PTGR1: variants seen among roughly 807,000 people sequenced by gnomAD.
PTGR1 encodes prostaglandin reductase 1, also known as 15-oxoprostaglandin 13-reductase.
In PTGR1, 23 loss-of-function variants were observed where a neutral mutation model predicts 37.7. That is an observed-to-expected ratio of 0.61 (90% CI 0.44 to 0.86). The LOEUF is 0.86. Among genes scored for constraint, PTGR1 ranks in the 40% least tolerant of loss-of-function variants. The pLI, the probability that PTGR1 is intolerant of heterozygous loss-of-function variation, is 0.00. For missense variants in PTGR1, 351 were observed against 394.3 expected, an observed-to-expected ratio of 0.89 and a Z score of 0.93; for synonymous variants, 134 against 140.0, an observed-to-expected ratio of 0.96 and a Z score of 0.30.
intron 2 of PTGR1, among the ~76,000 whole-genome samples, chr9:111,594,577 G>A: frequency 6.8e-6 from 1 of 146,146 alleles, no homozygotes; most frequent in Non-Finnish European, 1.5e-5. Context: ...TTGAGAGGGA[G>A]TCTCGCTCTG....
At chr9:111,569,403 A>G (rs373014590) in intron 9 of PTGR1, among the ~76,000 whole-genome samples, 4 of 152,236 alleles carry the variant, frequency 2.6e-5, no homozygotes, top group South Asian at 4.1e-4. Context: ...AATGATCACT[A>G]TGAAATATTT....
At position 111,591,228 on chromosome 9, in the gene PTGR1, T is replaced by C. The variant is rs111287797; in HGVS notation, c.209+1698A>G. On this transcript the variant is annotated intron_variant, in intron 4 of 9. Coordinates refer to ENST00000407693, the MANE Select transcript of PTGR1 (RefSeq NM_001146108.2). Reference sequence around the variant, plus strand: ...ATCAGAATCACTTGAACCTGGGAGGTAGAGGTTGCGGTGAGCCAAGATTAC... The same window carrying C: ...ATCAGAATCACTTGAACCTGGGAGGCAGAGGTTGCGGTGAGCCAAGATTAC... 5.9e-4 allele frequency among the ~76,000 whole-genome samples: 89 copies of C among 150,798 alleles called. 1 individual carries two copies. The highest frequency in any genetic ancestry group is 2.0e-3 in the African/African-American group (84 of 41,024).
At chr9:111,578,501 C>T (rs192286768) in intron 7 of PTGR1, among the ~76,000 whole-genome samples, 91 of 152,264 alleles carry the variant, frequency 6.0e-4, no homozygotes, top group African/African-American at 2.0e-3. Flanking sequence ...CCATAAGGAA[C>T]GCACAACCTA....
chr9:111,594,372 G>T, intron 2 of PTGR1, 105 bp from the exon 3 acceptor site: 1 of 1,006,840 alleles, frequency 9.9e-7, no homozygotes, highest in Non-Finnish European at 1.6e-6. Context: ...GACAAGGGTT[G>T]AGAAACCACC....
In PTGR1 at chr9:111,571,254, A is replaced by G. The variant is rs534454318; in HGVS notation, c.761-1045T>C. Among the ~76,000 whole-genome samples, 13 of 149,364 alleles carry G rather than the reference A, an allele frequency of 8.7e-5. 3 individuals carry two copies. The East Asian group carries it at 2.6e-3, about 30-fold the overall frequency. On this transcript the variant is annotated intron_variant, in intron 8 of 9. Transcript: ENST00000407693. ...TGGTGAAACCCTGTCTCTACTAAAA[A>G]TACAAAAATTAGCTGGGCATGGTGG...
intron 4 of PTGR1, among the ~76,000 whole-genome samples, chr9:111,589,091 C>T (rs894084099): frequency 4.6e-5 from 7 of 152,186 alleles, no homozygotes; most frequent in African/African-American, 1.4e-4. Flanking sequence ...CTTCCACCAT[C>T]AATGTATGAG....
intron 9 of PTGR1, among the ~76,000 whole-genome samples, chr9:111,556,832 G>GC (rs112010927): frequency 6.6e-6 from 1 of 152,122 alleles, no homozygotes; most frequent in African/African-American, 2.4e-5. Context: ...GTTTCCTGAG[G>GC]CCCCCCAGCC....
intron 4 of PTGR1, among the ~76,000 whole-genome samples, chr9:111,590,963 T>TAGAA (rs10658541): frequency 0.68 from 102,716 of 151,604 alleles, 36,008 homozygotes; most frequent in African/African-American, 0.87. Flanking sequence ...TAATAATTGA[T>TAGAA]AGCAGTTTTC....
chr9:111,597,670 T>C (rs1829823891), intron 1 of PTGR1, among the ~76,000 whole-genome samples: 1 of 152,222 alleles, frequency 6.6e-6, no homozygotes, highest in African/African-American at 2.4e-5. Context: ...ATTAGTATCA[T>C]TGCCAGTGTA....
chr9:111,571,795 C>A (rs142013675), intron 8 of PTGR1, among the ~76,000 whole-genome samples: 25 of 152,110 alleles, frequency 1.6e-4, no homozygotes, highest in Non-Finnish European at 3.4e-4. Flanking sequence ...TAAGCCACTG[C>A]GCCTGGCTAA....
chr9:111,571,769 A>G (rs938969843), intron 8 of PTGR1, among the ~76,000 whole-genome samples: 1 of 152,050 alleles, frequency 6.6e-6, no homozygotes, highest in African/African-American at 2.4e-5. Context: ...CTCCCAAAAT[A>G]TTGGGATTAC....
chr9:111,593,928 T>C (rs1361225635), intron 3 of PTGR1, among the ~76,000 whole-genome samples: 1 of 151,632 alleles, frequency 6.6e-6, no homozygotes, highest in Non-Finnish European at 1.5e-5. Flanking sequence ...AGGTTTTTTT[T>C]TTCCTTCTTT....
chr9:111,564,598 G>A (rs149117756), intron 9 of PTGR1, among the ~76,000 whole-genome samples: 8 of 151,924 alleles, frequency 5.3e-5, no homozygotes, highest in East Asian at 1.9e-4. Context: ...GAGCCACTGC[G>A]CCTGGCTGAG....
downstream of PTGR1, among the ~76,000 whole-genome samples, chr9:111,559,406 A>C (rs903892183): frequency 6.6e-6 from 1 of 151,668 alleles, no homozygotes; most frequent in Admixed American, 6.6e-5. Context: ...GACACCCTCA[A>C]TCAGGCCCTG....
rs1828386968 is a variant in PTGR1 at position 111,563,182 on chromosome 9, G to A, written c.929C>T (p.Pro310Leu). 3 of 1,613,716 alleles carry A rather than the reference G, an allele frequency of 1.9e-6. No homozygotes were observed. The highest frequency in any genetic ancestry group is 1.1e-5 in the South Asian group (1 of 91,054). ...EYIIEGFENM[P>L]AAFMGMLKGD... is the part of the protein sequence containing the mutation. ...TTTCAGCATTCCCATAAATGCAGCT[G>A]GCATGTTTTCAAATCCTTCAATGAT... Residue 310 changes from proline (P) to leucine (L), a missense_variant, in exon 10 of 10, where the codon CCA (proline) becomes CTA (leucine). Coordinates refer to ENST00000407693, the MANE Select transcript of PTGR1 (RefSeq NM_001146108.2).
chr9:111,554,295 C>T (rs1401089357), intron 9 of PTGR1, among the ~76,000 whole-genome samples: 1 of 150,564 alleles, frequency 6.6e-6, no homozygotes, highest in African/African-American at 2.4e-5. Flanking sequence ...AGAAAGTCAA[C>T]CTCTGTCTTA....
intron 6 of PTGR1, among the ~76,000 whole-genome samples, chr9:111,581,650 A>G (rs1440977226): frequency 6.6e-6 from 1 of 151,702 alleles, no homozygotes. Context: ...TTTTTTTTTT[A>G]ATTTAGAGAC....
chr9:111,590,390 A>T (rs1230951356), intron 4 of PTGR1, among the ~76,000 whole-genome samples: 4 of 151,816 alleles, frequency 2.6e-5, no homozygotes, highest in Admixed American at 2.0e-4. Flanking sequence ...ACCAAGTCTC[A>T]CTCTGTTGCC....
intron 9 of PTGR1, among the ~76,000 whole-genome samples, chr9:111,566,152 G>A (rs948825793): frequency 6.6e-6 from 1 of 152,184 alleles, no homozygotes; most frequent in South Asian, 2.1e-4. Flanking sequence ...GCAGTGAGCT[G>A]AGATCGCGCC....
Sources: gnomAD v4.1 joint callset for allele counts (sites outside exome capture counted in the v4.1 genomes callset) on GRCh38, gnomAD v4.1.1 for gene constraint, MANE v1.5 for transcripts, NCBI Gene and HGNC (gene_info 2026-07-23, HGNC 2026-07-21) for gene names.